The following CEPT1 variants were observed in gnomAD, a reference collection of about 807,000 sequenced individuals.
CEPT1 encodes the protein choline/ethanolaminephosphotransferase 1.
Under a neutral mutation model 42.6 loss-of-function variants are expected in CEPT1, and 7 were observed. The ratio of observed to expected loss-of-function variants is 0.16; its 90% CI spans 0.09 to 0.31. The LOEUF (loss-of-function observed/expected upper bound fraction) is 0.31. CEPT1 is among the 10% of genes least tolerant of loss of function. The pLI is 1.00. For missense variants in CEPT1, 306 were observed against 502.1 expected (o/e 0.61, Z 3.73); for synonymous variants, 171 against 171.9 (o/e 0.99, Z 0.04).
intron 2 of CEPT1, among the ~76,000 whole-genome samples, chr1:111,151,527 T>C (rs757677578): frequency 4.6e-5 from 7 of 152,218 alleles, no homozygotes; most frequent in Non-Finnish European, 8.8e-5. Context: ...GTGGAAGGGC[T>C]TCCAGGCTGT....
chr1:111,159,534 T>C lies in CEPT1; in HGVS notation c.487+7T>C. On this transcript the variant is annotated splice_region_variant and intron_variant, in intron 3 of 8. Coordinates refer to ENST00000357172, the MANE Select transcript of CEPT1 (RefSeq NM_006090.5). ...TGTGATTCACTATCAACAGGTATTG[T>C]TGATTTTTTTAATGTTATTGATTAT... 1 of 1,603,478 alleles carries C rather than the reference T, an allele frequency of 6.2e-7. No homozygotes were observed. The highest frequency in any genetic ancestry group is 8.5e-7 in the Non-Finnish European group (1 of 1,176,778).
chr1:111,175,347 G>A (rs1015974028), intron 5 of CEPT1, among the ~76,000 whole-genome samples: 3 of 152,308 alleles, frequency 2.0e-5, no homozygotes, highest in Non-Finnish European at 2.9e-5. Context: ...ACAAATTTGA[G>A]ATTGTAAGTT....
At chr1:111,174,274 C>T (rs1176913657) in intron 4 of CEPT1, among the ~76,000 whole-genome samples, 1 of 152,032 alleles carries the variant, frequency 6.6e-6, no homozygotes. Flanking sequence ...AACCCCAAAG[C>T]TAATTCTTGG....
At chr1:111,157,233 AT>A (rs1557928381) in intron 2 of CEPT1, among the ~76,000 whole-genome samples, 1 of 152,110 alleles carries the variant, frequency 6.6e-6, no homozygotes, top group African/African-American at 2.4e-5. Context: ...ATTTCCTAGG[AT>A]TGTGTATATA....
intron 1 of CEPT1, among the ~76,000 whole-genome samples, chr1:111,146,851 T>C (rs1210411743): frequency 6.6e-6 from 1 of 152,096 alleles, no homozygotes; most frequent in South Asian, 2.1e-4. Context: ...ACATATATAC[T>C]GTCTTAAAGT....
intron 4 of CEPT1, among the ~76,000 whole-genome samples, chr1:111,164,762 A>G (rs906262089): frequency 2.0e-5 from 3 of 151,880 alleles, no homozygotes; most frequent in Non-Finnish European, 4.4e-5. Context: ...CTAGGACTAC[A>G]GGTGCGTGCT....
chr1:111,173,745 A>G (rs550264975), intron 4 of CEPT1, among the ~76,000 whole-genome samples: 119 of 152,256 alleles, frequency 7.8e-4, no homozygotes, highest in African/African-American at 2.6e-3. Flanking sequence ...TTGTTATGCA[A>G]TTACTGGCAA....
intron 4 of CEPT1, among the ~76,000 whole-genome samples, chr1:111,163,197 A>C (rs1012357561): frequency 1.3e-5 from 2 of 152,202 alleles, no homozygotes; most frequent in African/African-American, 4.8e-5. Context: ...TTTGAATTTA[A>C]TATATGAACT....
At chr1:111,174,315 C>T (rs1056509853) in intron 4 of CEPT1, among the ~76,000 whole-genome samples, 1 of 151,968 alleles carries the variant, frequency 6.6e-6, no homozygotes, top group Admixed American at 6.6e-5. Flanking sequence ...GCAGAAGTCT[C>T]AGAGTAGTTA....
At chr1:111,167,436 G>A in intron 4 of CEPT1, 1 of 877,352 alleles carries the variant, frequency 1.1e-6, no homozygotes. Flanking sequence ...TCTCCTGTTT[G>A]CCTATTGTGC....
At chr1:111,147,502 C>G in intron 1 of CEPT1, 140 bp from the exon 2 acceptor site, 1 of 409,742 alleles carries the variant, frequency 2.4e-6, no homozygotes, top group Non-Finnish European at 4.3e-6. Flanking sequence ...AATCAGGTCC[C>G]TCCTTTTCTG....
rs11323094 is a variant in CEPT1 at position 111,165,044 on chromosome 1, C to CTTTTTTTTTTTTTTT, written c.629+3757_629+3771dup. ...AACTATACTTACATAAAACATCGGT[C>CTTTTTTTTTTTTTTT]TTTTTTTTTTTTTTTTTTTTTTTGA... On this transcript the variant is annotated intron_variant, in intron 4 of 8. Transcript: ENST00000357172. 3.6e-5 allele frequency among the ~76,000 whole-genome samples: 3 copies of CTTTTTTTTTTTTTTT among 83,972 alleles called. 1 individual carries two copies. Among genetic ancestry groups the CTTTTTTTTTTTTTTT allele is most frequent in the Non-Finnish European group, 6.4e-5 (3 of 46,690 alleles). 55.1% of individuals were successfully genotyped at this position (83,972 alleles called of 152,430 possible). A position where few individuals can be genotyped will look rare whatever the true frequency, so the allele number is the denominator to read the frequency against.
At chr1:111,143,349 T>C (rs1654767885) in intron 1 of CEPT1, 1 of 152,254 alleles carries the variant, frequency 6.6e-6, no homozygotes, top group Non-Finnish European at 1.5e-5. Flanking sequence ...CTTGAAGACT[T>C]CACCCTGTTT....
At chr1:111,161,546 A>G (rs762998561) in intron 4 of CEPT1, among the ~76,000 whole-genome samples, 47 of 152,156 alleles carry the variant, frequency 3.1e-4, no homozygotes, top group Admixed American at 6.5e-4. Context: ...GTAGCCCCTC[A>G]TCTTTGTCTT....
intron 2 of CEPT1, among the ~76,000 whole-genome samples, chr1:111,154,260 G>T (rs1355159766): frequency 1.4e-5 from 2 of 142,700 alleles, no homozygotes; most frequent in South Asian, 2.2e-4. Flanking sequence ...TTTAGCTGTT[G>T]TTAATGGGGT....
chr1:111,181,906 T>C (rs573167017), intron 5 of CEPT1: 2 of 216,862 alleles, frequency 9.2e-6, no homozygotes, highest in South Asian at 1.7e-4. Flanking sequence ...ATGCATTAGG[T>C]GAATCTAACT....
intron 8 of CEPT1, 123 bp downstream of exon 8, chr1:111,183,710 T>G: frequency 9.7e-7 from 1 of 1,033,560 alleles, no homozygotes; most frequent in Non-Finnish European, 1.4e-6. Context: ...ATGTCAGAAA[T>G]CCACATAAAT....
chr1:111,155,239 C>T (rs1342156952), intron 2 of CEPT1, among the ~76,000 whole-genome samples: 1 of 152,026 alleles, frequency 6.6e-6, no homozygotes, highest in South Asian at 2.1e-4. Context: ...GTATCTACTT[C>T]GTCTAGGTTT....
At chr1:111,152,674 A>C (rs950010953) in intron 2 of CEPT1, among the ~76,000 whole-genome samples, 1 of 152,232 alleles carries the variant, frequency 6.6e-6, no homozygotes, top group Non-Finnish European at 1.5e-5. Flanking sequence ...GGGAGATTGC[A>C]TGATGAATTG....
Sources: allele counts gnomAD v4.1 joint callset (sites outside exome capture counted in the v4.1 genomes callset), GRCh38; gene constraint gnomAD v4.1.1; transcripts MANE v1.5; gene names NCBI Gene and HGNC (gene_info 2026-07-23, HGNC 2026-07-21).